Variants in GK5 observed in about 807,000 individuals in gnomAD.
GK5 encodes the protein ATP:glycerol 3-phosphotransferase 5.
A neutral mutation model predicts 77.3 loss-of-function variants in GK5; 39 were observed. The ratio of observed to expected loss-of-function variants is 0.50; its 90% confidence interval spans 0.39 to 0.66. GK5 has a LOEUF of 0.66. Ranked by LOEUF, GK5 falls within the 30% of genes least tolerant of loss-of-function variation. The pLI is 0.00. For missense variants in GK5, 487 were observed against 633.8 expected (o/e 0.77, Z 2.49); for synonymous variants, 211 against 208.0 (o/e 1.01, Z -0.13).
intron 15 of GK5, among the ~76,000 whole-genome samples, chr3:142,167,008 C>G (rs1383225855): frequency 1.3e-5 from 2 of 152,184 alleles, no homozygotes; most frequent in East Asian, 3.8e-4. Context: ...ACATTAAATT[C>G]TCCTTTCTAA....
chr3:142,187,342 G>A (rs902943860), intron 6 of GK5, among the ~76,000 whole-genome samples: 4 of 151,814 alleles, frequency 2.6e-5, no homozygotes, highest in Admixed American at 6.6e-5. Context: ...AGTGGCTTAC[G>A]CCTGTAATCC....
At position 142,159,853 on chromosome 3, in the gene GK5, C is replaced by CTTGTTTTTTTTTTTTTTTTTTTTTT. The variant is rs2063412573; in HGVS notation, c.*5768_*5769insAAAAAAAAAAAAAAAAAAAAAACAA. ...TTTCTCTCTCTCTCTCTCTCTCTCT[C>CTTGTTTTTTTTTTTTTTTTTTTTTT]TTTTTTTTTTTTGAGACAGAGTCTC... On this transcript the variant is annotated 3_prime_UTR_variant, in exon 16 of 16. Coordinates refer to ENST00000392993, the MANE Select transcript of GK5 (RefSeq NM_001039547.3). 9.4e-6 allele frequency: 1 copy of CTTGTTTTTTTTTTTTTTTTTTTTTT among 106,124 alleles called. No homozygotes were observed. 6.6% of individuals were successfully genotyped at this position (106,124 alleles called of 1,614,324 possible).
intron 3 of GK5, among the ~76,000 whole-genome samples, chr3:142,206,466 T>A (rs1409075532): frequency 6.6e-6 from 1 of 152,210 alleles, no homozygotes; most frequent in Non-Finnish European, 1.5e-5. Context: ...CTAGTGGGTG[T>A]GAAGTGGTAT....
At chr3:142,189,941 T>C (rs2063825739) in intron 5 of GK5, among the ~76,000 whole-genome samples, 1 of 151,936 alleles carries the variant, frequency 6.6e-6, no homozygotes, top group Non-Finnish European at 1.5e-5. Context: ...TATACACATA[T>C]ATACAAATAA....
At chr3:142,186,102 C>A in intron 8 of GK5, 92 bp downstream of exon 8, 2 of 1,145,088 alleles carry the variant, frequency 1.7e-6, no homozygotes, top group Non-Finnish European at 2.6e-6. Flanking sequence ...ACATACAAGT[C>A]CTTCAAACAT....
rs2063396832 is a variant in GK5, at chr3:142,158,098, C to G, written c.*7524G>C. 1 of 152,222 alleles carries G rather than the reference C, an allele frequency of 6.6e-6. No homozygotes were observed. Among genetic ancestry groups the G allele is most frequent in the African/African-American group, 2.4e-5 (1 of 41,390 alleles). The allele number at this position is 152,222 out of a possible 1,614,324, so 9.4% of individuals were successfully genotyped here. A position where few individuals can be genotyped will look rare whatever the true frequency, so the allele number is the denominator to read the frequency against. On this transcript the variant is annotated 3_prime_UTR_variant, in exon 16 of 16. Coordinates refer to ENST00000392993, the MANE Select transcript of GK5 (RefSeq NM_001039547.3). ...TCCCGAGTAGCTGGGAGTACAGGCA[C>G]CCGCCACCACGCCTGGCTAATTTTT... is the stretch of plus-strand genomic sequence containing the variant.
rs190022550 is a variant in GK5 at position 142,200,668 on chromosome 3, C to A, written c.412-1735G>T. Among the ~76,000 whole-genome samples, 387 of 152,290 alleles carry A rather than the reference C, an allele frequency of 2.5e-3. 4 individuals carry two copies. Among genetic ancestry groups the A allele is most frequent in the African/African-American group, 8.7e-3 (363 of 41,556 alleles). ...ATTAGATTTAGGACACTTCTGAGAT[C>A]TTCTGTTAAAATGTAGATAACTCAG... On this transcript the variant is annotated intron_variant, in intron 4 of 15. Transcript: ENST00000392993.
At chr3:142,200,887 T>C (rs1237249232) in intron 4 of GK5, among the ~76,000 whole-genome samples, 2 of 152,200 alleles carry the variant, frequency 1.3e-5, no homozygotes, top group African/African-American at 2.4e-5. Context: ...CTTTTTAACA[T>C]TTACATTTTA....
chr3:142,187,483 T>C (rs1274222260), intron 6 of GK5, among the ~76,000 whole-genome samples: 2 of 151,548 alleles, frequency 1.3e-5, no homozygotes, highest in Admixed American at 6.6e-5. Context: ...CACATACCAA[T>C]AGTCCCAGCC....
At chr3:142,178,889 C>T (rs528051669) in intron 11 of GK5, among the ~76,000 whole-genome samples, 3 of 152,210 alleles carry the variant, frequency 2.0e-5, no homozygotes, top group African/African-American at 4.8e-5. Flanking sequence ...CTCCTGCCAG[C>T]GGCAGGCACG....
In GK5 at chr3:142,163,083, T is replaced by C. The variant is rs905182703; in HGVS notation, c.*2539A>G. 1 of 151,888 alleles carries C rather than the reference T, an allele frequency of 6.6e-6. No individual in the cohort carries two copies. The highest frequency in any genetic ancestry group is 1.5e-5 in the Non-Finnish European group (1 of 67,990). 9.4% of individuals were successfully genotyped at this position (151,888 alleles called of 1,614,324 possible). A position where few individuals can be genotyped will look rare whatever the true frequency, so the allele number is the denominator to read the frequency against. On this transcript the variant is annotated 3_prime_UTR_variant, in exon 16 of 16. Transcript: ENST00000392993. ...GCAACCACAAAAGCAAATGTGGTCA[T>C]GTTTCTGATTTTAGTTAAGTCCAAA... is the stretch of plus-strand genomic sequence containing the variant.
rs774063247 is a variant in GK5 at position 142,186,010 on chromosome 3, A to G, written c.756-21T>C. ...TGTGGCTTCAAATAAAATTCATTAAAAAGTTAGTTACAGCTCTAGAAATAT... is the reference window on the plus strand; with the variant it reads ...TGTGGCTTCAAATAAAATTCATTAAGAAGTTAGTTACAGCTCTAGAAATAT... On this transcript the variant is annotated intron_variant, in intron 8 of 15. Transcript: ENST00000392993. The G allele has an allele frequency of 1.9e-6, 3 of 1,567,966 alleles. No homozygotes were observed. The South Asian group carries it at 3.4e-5, about 18-fold the overall frequency.
intron 3 of GK5, among the ~76,000 whole-genome samples, chr3:142,207,224 A>G (rs1164386796): frequency 6.6e-6 from 1 of 152,178 alleles, no homozygotes; most frequent in Non-Finnish European, 1.5e-5. Flanking sequence ...AAACGGACGC[A>G]TGAGGGGGGT....
In GK5 at chr3:142,187,732, A is replaced by G; in HGVS notation, c.591T>C (p.Asp197=). The part of the protein sequence containing the change: ...EEENCCFGTI[D]TWLLYKLTKG... Reference sequence around the variant, plus strand: ...TTGTGAGCTTATATAACAACCAGGTATCAATAGTCCCAAAGCAGCAATTTT... The same window carrying G: ...TTGTGAGCTTATATAACAACCAGGTGTCAATAGTCCCAAAGCAGCAATTTT... Residue 197 remains aspartate (D), a synonymous_variant, in exon 6 of 16, where the codon GAT becomes GAC. Coordinates refer to ENST00000392993, the MANE Select transcript of GK5 (RefSeq NM_001039547.3). The G allele has an allele frequency of 1.2e-6, 2 of 1,612,538 alleles. No homozygotes were observed. The highest frequency in any genetic ancestry group is 1.7e-6 in the Non-Finnish European group (2 of 1,179,340).
chr3:142,174,111 A>G (rs1343731702), intron 12 of GK5, among the ~76,000 whole-genome samples: 1 of 151,964 alleles, frequency 6.6e-6, no homozygotes, highest in South Asian at 2.1e-4. Context: ...ACCTTCCTCA[A>G]TACACTATAA....
At position 142,159,706 on chromosome 3, in the gene GK5, T is replaced by A. The variant is rs560613031; in HGVS notation, c.*5916A>T. ...AAACCACCAACACGATTTTGAATCA[T>A]CTATTTAACTTTTTTAGATTACCCA... On this transcript the variant is annotated 3_prime_UTR_variant, in exon 16 of 16. Transcript: ENST00000392993. The A allele has an allele frequency of 6.6e-6, 1 of 151,996 alleles. No individual in the cohort carries two copies. Among genetic ancestry groups the A allele is most frequent in the Admixed American group, 6.6e-5 (1 of 15,266 alleles). 9.4% of individuals were successfully genotyped at this position (151,996 alleles called of 1,614,324 possible).
At position 142,171,434 on chromosome 3, in the gene GK5, G is replaced by A. The variant is rs1397629299; in HGVS notation, c.1292C>T (p.Pro431Leu). The change falls in exon 14 of 16, where the codon CCT (proline) becomes CTT (leucine). Residue 431 changes from proline to leucine, a missense_variant. Transcript: ENST00000392993. ...CTTTACATACCGGATTTTTCTTACA[G>A]GAATATGAATCTCTTTCTTCATCAT... is the stretch of plus-strand genomic sequence containing the variant. ...YEMMKKEIHIPVRKIRADGGV... is the reference protein window; with the variant it reads ...YEMMKKEIHILVRKIRADGGV... 6.8e-7 allele frequency: 1 copy of A among 1,474,808 alleles called. No homozygotes were observed. The allele number at this position is 1,474,808 out of a possible 1,614,324, so 91.4% of individuals were successfully genotyped here. A position where few individuals can be genotyped will look rare whatever the true frequency, so the allele number is the denominator to read the frequency against.
intron 3 of GK5, among the ~76,000 whole-genome samples, chr3:142,209,382 G>A (rs1428219970): frequency 1.3e-5 from 2 of 152,090 alleles, no homozygotes; most frequent in Non-Finnish European, 2.9e-5. Flanking sequence ...AGCAGTGAGG[G>A]GGAGAGACAA....
intron 15 of GK5, 93 bp downstream of exon 15, chr3:142,170,232 G>T: frequency 7.6e-7 from 1 of 1,317,610 alleles, no homozygotes; most frequent in South Asian, 1.2e-5. Flanking sequence ...AGGCTTTCCA[G>T]ACTCTCTAGA....
Sources: gnomAD v4.1 joint callset for allele counts (sites outside exome capture counted in the v4.1 genomes callset) on GRCh38, gnomAD v4.1.1 for gene constraint, MANE v1.5 for transcripts, NCBI Gene and HGNC (gene_info 2026-07-23, HGNC 2026-07-21) for gene names.